DNAH5: variants seen among roughly 807,000 people sequenced by gnomAD.
DNAH5 encodes the protein axonemal beta dynein heavy chain 5.
A neutral mutation model predicts 518.2 loss-of-function variants in DNAH5; 372 were observed. The ratio of observed to expected loss-of-function variants is 0.72; its 90% CI spans 0.66 to 0.78. DNAH5 has a LOEUF of 0.78. Ranked by LOEUF, DNAH5 falls within the 30% of genes least tolerant of loss-of-function variation. The pLI is 0.00. For synonymous variants in DNAH5, 2,039 were observed against 2,025.9 expected, an observed-to-expected ratio of 1.01 and a Z score of -0.17; for missense variants, 5,523 against 5,687.0, an observed-to-expected ratio of 0.97 and a Z score of 0.93.
chr5:13,978,121 T>G (rs6868931), intron 1 of DNAH5, among the ~76,000 whole-genome samples: 10 of 152,160 alleles, frequency 6.6e-5, no homozygotes. Context: ...ACAGACACAC[T>G]GTGGCTTCAA....
In DNAH5 at chr5:13,700,729, C is replaced by A. The variant is rs1390251902; in HGVS notation, c.13634G>T (p.Trp4545Leu). 2.5e-6 allele frequency: 4 copies of A among 1,614,010 alleles called. No individual in the cohort carries two copies. The highest frequency in any genetic ancestry group is 3.4e-6 in the Non-Finnish European group (4 of 1,180,006). ...AATGAGTTTCATGTTCCTCTTGTCCCAGCCAGCACCTTCAAGATATAAGCC... is the reference window on the plus strand; with the variant it reads ...AATGAGTTTCATGTTCCTCTTGTCCAAGCCAGCACCTTCAAGATATAAGCC... ...VYGLYLEGAG[W>L]DKRNMKLIES... The change falls in exon 78 of 79, where the codon TGG becomes TTG. Residue 4545 changes from tryptophan (W) to leucine (L), a missense_variant. By Grantham distance (61) the Trp-to-Leu change is moderately conservative. Coordinates refer to ENST00000265104, the MANE Select transcript of DNAH5 (RefSeq NM_001369.3).
intron 17 of DNAH5, among the ~76,000 whole-genome samples, chr5:13,890,294 C>A (rs1288746197): frequency 6.6e-6 from 1 of 151,686 alleles, no homozygotes; most frequent in East Asian, 1.9e-4. Context: ...GTAGTCCCAG[C>A]TACTCGGGAA....
intron 40 of DNAH5, among the ~76,000 whole-genome samples, chr5:13,820,824 CAAAAAA>C (rs70964510): frequency 3.0e-5 from 2 of 66,504 alleles, no homozygotes; most frequent in Admixed American, 1.7e-4. Flanking sequence ...TACTCCGTCT[CAAAAAA>C]AAAAAAAAAA....
chr5:13,721,748 A>C (rs1745086546), intron 70 of DNAH5, among the ~76,000 whole-genome samples: 1 of 152,166 alleles, frequency 6.6e-6, no homozygotes, highest in African/African-American at 2.4e-5. Context: ...CTCTCTCCTC[A>C]TCATTGTCGT....
intron 65 of DNAH5, among the ~76,000 whole-genome samples, chr5:13,739,352 A>T (rs926105817): frequency 2.0e-5 from 3 of 152,162 alleles, no homozygotes; most frequent in South Asian, 4.1e-4. Context: ...TGGTTTTATC[A>T]GCATCTGGCA....
chr5:13,694,929 T>A (rs1283895197), intron 78 of DNAH5, among the ~76,000 whole-genome samples: 2 of 152,216 alleles, frequency 1.3e-5, no homozygotes, highest in Non-Finnish European at 2.9e-5. Flanking sequence ...TCAATAATCC[T>A]ATATGATGGG....
At chr5:13,692,233 A>G (rs1303626978) in intron 78 of DNAH5, 98 bp from the exon 79 acceptor site, 2 of 1,366,914 alleles carry the variant, frequency 1.5e-6, no homozygotes, top group Non-Finnish European at 2.1e-6. Context: ...GGTCATTTCA[A>G]AAACAGATGG....
At position 13,934,054 on chromosome 5, in the gene DNAH5, C is replaced by T. The variant is rs1778678945; in HGVS notation, c.58-2810G>A. 2.0e-5 allele frequency among the ~76,000 whole-genome samples: 3 copies of T among 151,876 alleles called. No homozygotes were observed. The South Asian group carries it at 6.2e-4, about 32-fold the overall frequency. On this transcript the variant is annotated intron_variant, in intron 1 of 78. Coordinates refer to ENST00000265104, the MANE Select transcript of DNAH5 (RefSeq NM_001369.3). ...CCTTGAATTTGGCTAGCCCTATGGC[C>T]AGTTTTCACCAAAAAAAAAATCTGA...
chr5:13,965,571 G>GCATCAGTCTCTTC (rs1340061882), intron 1 of DNAH5, among the ~76,000 whole-genome samples: 2 of 152,160 alleles, frequency 1.3e-5, no homozygotes, highest in African/African-American at 4.8e-5. Context: ...AGAGAGAACT[G>GCATCAGTCTCTTC]CATCAGTCTC....
intron 21 of DNAH5, among the ~76,000 whole-genome samples, chr5:13,881,550 A>C (rs968145533): frequency 1.3e-5 from 2 of 152,098 alleles, no homozygotes; most frequent in African/African-American, 2.4e-5. Flanking sequence ...ATGTGAAAAT[A>C]AAACAATATG....
chr5:13,930,996 C>T (rs572179048), intron 2 of DNAH5, 114 bp downstream of exon 2: 10 of 1,501,090 alleles, frequency 6.7e-6, no homozygotes, highest in Admixed American at 5.1e-5. Context: ...GCCCTGTCCA[C>T]GTTAAGACAG....
At chr5:13,868,314 G>T (rs1769583636) in intron 24 of DNAH5, among the ~76,000 whole-genome samples, 1 of 152,112 alleles carries the variant, frequency 6.6e-6, no homozygotes, top group South Asian at 2.1e-4. Context: ...CCCCCAAATT[G>T]TATTTGATCA....
chr5:13,992,356 T>G (rs1783615800), intron 1 of DNAH5, among the ~76,000 whole-genome samples: 1 of 152,106 alleles, frequency 6.6e-6, no homozygotes, highest in South Asian at 2.1e-4. Context: ...ATTTAAGAAA[T>G]TCAGAAACAG....
chr5:13,976,148 A>AT (rs1440345659), intron 1 of DNAH5, among the ~76,000 whole-genome samples: 1 of 152,266 alleles, frequency 6.6e-6, no homozygotes, highest in Non-Finnish European at 1.5e-5. Flanking sequence ...TAAAACTAAC[A>AT]TAAGGGAATG....
intron 69 of DNAH5, among the ~76,000 whole-genome samples, chr5:13,728,978 A>G (rs1746134000): frequency 6.6e-6 from 1 of 152,170 alleles, no homozygotes; most frequent in African/African-American, 2.4e-5. Flanking sequence ...GTGCCTAACT[A>G]AGTCAAATAA....
chr5:13,917,997 C>T (rs942924501), intron 7 of DNAH5, among the ~76,000 whole-genome samples: 2 of 152,212 alleles, frequency 1.3e-5, no homozygotes, highest in African/African-American at 4.8e-5. Flanking sequence ...GCCTCTATGA[C>T]GGTCCCCAGT....
Position 13,754,442 on chromosome 5 carries a change from C to T in DNAH5, c.10420-104G>A. Reference sequence around the variant, plus strand: ...CGCCATATTATCTGCCTTCCTGAGACATGTGAGCCATTACTTCACAAGAAG... The same window carrying T: ...CGCCATATTATCTGCCTTCCTGAGATATGTGAGCCATTACTTCACAAGAAG... On this transcript the variant is annotated intron_variant, in intron 61 of 78. Transcript: ENST00000265104. 3 of 1,258,884 alleles carry T rather than the reference C, an allele frequency of 2.4e-6. No individual in the cohort carries two copies. The Admixed American group carries it at 5.1e-5, about 21-fold the overall frequency. The allele number at this position is 1,258,884 out of a possible 1,614,324, so 78.0% of individuals were successfully genotyped here.
chr5:13,701,467 A>C (rs1032743669), intron 76 of DNAH5, 31 bp from the exon 77 acceptor site: 2 of 1,586,602 alleles, frequency 1.3e-6, no homozygotes, highest in Admixed American at 3.3e-5. Context: ...CAATTAATTG[A>C]TGTAAGTTTA....
intron 28 of DNAH5, among the ~76,000 whole-genome samples, chr5:13,864,128 C>T (rs1054345385): frequency 5.9e-5 from 9 of 152,182 alleles, no homozygotes; most frequent in Admixed American, 2.6e-4. Flanking sequence ...ACATTTTATT[C>T]AATGGTATTT....
Sources: gnomAD v4.1 joint callset for allele counts (sites outside exome capture counted in the v4.1 genomes callset) on GRCh38, gnomAD v4.1.1 for gene constraint, MANE v1.5 for transcripts, NCBI Gene and HGNC (gene_info 2026-07-23, HGNC 2026-07-21) for gene names.